SLAMF6: variants seen among roughly 807,000 people sequenced by gnomAD.
SLAMF6 encodes the protein NK-T-B-antigen.
SLAMF6 carries 21 observed loss-of-function variants against 38.3 expected under a neutral mutation model. That is an observed-to-expected ratio of 0.55 (90% CI 0.39 to 0.79). SLAMF6 has a LOEUF of 0.79. SLAMF6 is among the 30% of genes least tolerant of loss of function. The probability of loss-of-function intolerance (pLI) is 0.00; values close to 1 mark genes in which losing one functional copy is unlikely to be tolerated. For synonymous variants in SLAMF6, 152 were observed against 146.3 expected, an observed-to-expected ratio of 1.04 and a Z score of -0.28; for missense variants, 341 against 385.3, an observed-to-expected ratio of 0.89 and a Z score of 0.96.
At chr1:160,507,094 A>T (rs367932409) in intron 1 of SLAMF6, among the ~76,000 whole-genome samples, 4 of 152,294 alleles carry the variant, frequency 2.6e-5, no homozygotes, top group African/African-American at 7.2e-5. Context: ...AAATGCAGAG[A>T]TAGGCAGAAT....
At chr1:160,487,878 G>A (rs531208226) in intron 6 of SLAMF6, among the ~76,000 whole-genome samples, 8 of 152,160 alleles carry the variant, frequency 5.3e-5, no homozygotes, top group South Asian at 2.1e-4. Context: ...TCACTTGAGC[G>A]CAGAAGTTTG....
chr1:160,491,428 T>C, intron 2 of SLAMF6, 40 bp from the exon 3 acceptor site: 3 of 1,588,286 alleles, frequency 1.9e-6, no homozygotes, highest in Non-Finnish European at 2.6e-6. Flanking sequence ...TAAGGACAAA[T>C]GTCTTGGCTC....
chr1:160,498,825 G>A (rs1485459473), intron 1 of SLAMF6, among the ~76,000 whole-genome samples: 1 of 152,136 alleles, frequency 6.6e-6, no homozygotes, highest in Non-Finnish European at 1.5e-5. Flanking sequence ...CTGATGCTGA[G>A]CATTTTTTCA....
intron 1 of SLAMF6, among the ~76,000 whole-genome samples, chr1:160,510,303 G>C (rs1315454552): frequency 6.6e-6 from 1 of 152,018 alleles, no homozygotes. Flanking sequence ...GAAAACTACA[G>C]ACTGATATCC....
chr1:160,519,548 G>A (rs942003065), intron 1 of SLAMF6, among the ~76,000 whole-genome samples: 6 of 152,284 alleles, frequency 3.9e-5, no homozygotes, highest in African/African-American at 1.4e-4. Flanking sequence ...CAACCCAGGT[G>A]TCCACTGATA....
chr1:160,499,433 A>C (rs480348), intron 1 of SLAMF6, among the ~76,000 whole-genome samples: 10,928 of 151,980 alleles, frequency 0.072, 628 homozygotes, highest in African/African-American at 0.16. Flanking sequence ...TGTTTGTGTA[A>C]CGGTACCATG....
intron 4 of SLAMF6, 150 bp downstream of exon 4, chr1:160,490,425 A>G: frequency 7.8e-7 from 1 of 1,280,530 alleles, no homozygotes; most frequent in Non-Finnish European, 1.1e-6. Flanking sequence ...GATCACACCC[A>G]GGGATTATCT....
At chr1:160,508,604 G>A (rs879771455) in intron 1 of SLAMF6, among the ~76,000 whole-genome samples, 13 of 152,090 alleles carry the variant, frequency 8.5e-5, no homozygotes, top group East Asian at 1.9e-4. Context: ...TATGGGCAAC[G>A]ACTTCAATAC....
chr1:160,487,618 A>G (rs779874070), intron 6 of SLAMF6, among the ~76,000 whole-genome samples: 1 of 152,196 alleles, frequency 6.6e-6, no homozygotes, highest in Non-Finnish European at 1.5e-5. Flanking sequence ...CTGCCTTGTC[A>G]TCATGTCATT....
intron 1 of SLAMF6, among the ~76,000 whole-genome samples, chr1:160,502,050 C>T (rs1311545053): frequency 6.6e-6 from 1 of 152,154 alleles, no homozygotes; most frequent in African/African-American, 2.4e-5. Context: ...AGCAGAGCTG[C>T]TTCAGGGCCA....
intron 1 of SLAMF6, among the ~76,000 whole-genome samples, chr1:160,520,598 C>G (rs1024576388): frequency 6.6e-6 from 1 of 152,160 alleles, no homozygotes; most frequent in Admixed American, 6.5e-5. Context: ...TTTATTTTCT[C>G]TAGGAAGTCA....
chr1:160,504,826 A>C (rs1654097479), intron 1 of SLAMF6, among the ~76,000 whole-genome samples: 1 of 152,226 alleles, frequency 6.6e-6, no homozygotes, highest in Admixed American at 6.5e-5. Context: ...GTCTGCTTAT[A>C]CCAGGGAATT....
chr1:160,516,287 G>T (rs1399285572), intron 1 of SLAMF6, among the ~76,000 whole-genome samples: 1 of 151,962 alleles, frequency 6.6e-6, no homozygotes, highest in East Asian at 1.9e-4. Flanking sequence ...TAGGAATACA[G>T]CTAACAAAGG....
At chr1:160,517,149 C>A (rs1050516182) in intron 1 of SLAMF6, among the ~76,000 whole-genome samples, 83 of 151,898 alleles carry the variant, frequency 5.5e-4, no homozygotes, top group African/African-American at 2.0e-3. Context: ...ACAAGGAACT[C>A]AAACAAATTT....
At chr1:160,509,643 T>G (rs1054952045) in intron 1 of SLAMF6, among the ~76,000 whole-genome samples, 1 of 152,008 alleles carries the variant, frequency 6.6e-6, no homozygotes, top group African/African-American at 2.4e-5. Flanking sequence ...CCCTAGAACT[T>G]AAAGTATATT....
At chr1:160,501,276 G>C (rs1653877531) in intron 1 of SLAMF6, among the ~76,000 whole-genome samples, 1 of 152,160 alleles carries the variant, frequency 6.6e-6, no homozygotes, top group South Asian at 2.1e-4. Flanking sequence ...TCTGATAGAG[G>C]AGCCTGACAG....
chr1:160,486,985 G>A (rs572582114), intron 7 of SLAMF6, 119 bp downstream of exon 7: 15 of 990,230 alleles, frequency 1.5e-5, no homozygotes, highest in East Asian at 2.5e-5. Context: ...GAGACTTTCC[G>A]CATGCTGCTG....
At chr1:160,490,067 G>T in intron 5 of SLAMF6, 131 bp downstream of exon 5, 1 of 1,035,200 alleles carries the variant, frequency 9.7e-7, no homozygotes. Flanking sequence ...TCCCCTCACA[G>T]CATGTGGTCT....
chr1:160,496,176 G>T lies in SLAMF6; in HGVS notation c.267C>A (p.Thr89=). The T allele has an allele frequency of 6.2e-7, 1 of 1,613,920 alleles. No individual in the cohort carries two copies. Among genetic ancestry groups the T allele is most frequent in the Non-Finnish European group, 8.5e-7 (1 of 1,179,920 alleles). ...TGCTGAGTTGCAGGGAGTAGGACTGGGTGAAGTTCAGTCGCTTTCCCTGTT... is the reference window on the plus strand; with the variant it reads ...TGCTGAGTTGCAGGGAGTAGGACTGTGTGAAGTTCAGTCGCTTTCCCTGTT... The part of the protein sequence containing the change: ...NPKQGKRLNF[T]QSYSLQLSNL... The change falls in exon 2 of 8, where the codon ACC becomes ACA. Residue 89 remains threonine (T), a synonymous_variant. Coordinates refer to ENST00000368057, the MANE Select transcript of SLAMF6 (RefSeq NM_001184714.2).
Sources: allele counts gnomAD v4.1 joint callset (sites outside exome capture counted in the v4.1 genomes callset), GRCh38; gene constraint gnomAD v4.1.1; transcripts MANE v1.5; gene names NCBI Gene and HGNC (gene_info 2026-07-23, HGNC 2026-07-21).